SRPK2: variants seen among roughly 807,000 people sequenced by gnomAD.
SRPK2 encodes the protein SFRS protein kinase 2.
Under a neutral mutation model 90.8 loss-of-function variants are expected in SRPK2, and 21 were observed. The ratio of observed to expected loss-of-function variants is 0.23; its 90% CI spans 0.16 to 0.33. SRPK2 has a LOEUF of 0.33. SRPK2 is among the 10% of genes least tolerant of loss of function. The pLI, the probability that SRPK2 is intolerant of heterozygous loss-of-function variation, is 1.00. For missense variants in SRPK2, 620 were observed against 869.0 expected, an observed-to-expected ratio of 0.71 and a Z score of 3.60; for synonymous variants, 288 against 311.1, an observed-to-expected ratio of 0.93 and a Z score of 0.78.
chr7:105,358,995 T>C (rs1184234874), intron 2 of SRPK2, among the ~76,000 whole-genome samples: 1 of 151,672 alleles, frequency 6.6e-6, no homozygotes. Flanking sequence ...ACCAGTTCTC[T>C]GGAAACTAAG....
chr7:105,295,510 G>A (rs1485072644), intron 2 of SRPK2, among the ~76,000 whole-genome samples: 1 of 152,090 alleles, frequency 6.6e-6, no homozygotes, highest in Admixed American at 6.6e-5. Flanking sequence ...GATAAACCTT[G>A]AAAACATTAT....
chr7:105,264,554 GAATTCAGTATTGGCTAGCTAACTGAA>G (rs763567360), intron 2 of SRPK2, among the ~76,000 whole-genome samples: 100 of 152,148 alleles, frequency 6.6e-4, no homozygotes, highest in Non-Finnish European at 1.2e-3. Context: ...TACAGTTTGT[GAATTCAGTATTGGCTAGCTAACTGAA>G]ATGTTAAGGA....
chr7:105,161,387 C>T (rs968577062), intron 6 of SRPK2, among the ~76,000 whole-genome samples: 2 of 152,074 alleles, frequency 1.3e-5, no homozygotes, highest in African/African-American at 4.8e-5. Flanking sequence ...GAATGGGGAA[C>T]CAGCAGATAA....
intron 3 of SRPK2, among the ~76,000 whole-genome samples, chr7:105,169,840 G>A (rs1790576758): frequency 6.6e-6 from 1 of 152,152 alleles, no homozygotes; most frequent in Non-Finnish European, 1.5e-5. Flanking sequence ...TTTTAAGACA[G>A]GGTCTCACTC....
chr7:105,294,689 C>G (rs897785759), intron 2 of SRPK2, among the ~76,000 whole-genome samples: 8 of 152,032 alleles, frequency 5.3e-5, no homozygotes, highest in African/African-American at 1.9e-4. Context: ...CCATGCCTGG[C>G]TAATTTTTCT....
At chr7:105,142,897 A>G (rs1289610124) in intron 10 of SRPK2, among the ~76,000 whole-genome samples, 187 bp downstream of exon 10, 3 of 152,246 alleles carry the variant, frequency 2.0e-5, no homozygotes, top group Admixed American at 6.5e-5. Context: ...AAATGTTAAC[A>G]TATTTCTGGC....
At position 105,142,340 on chromosome 7, in the gene SRPK2, G is replaced by A. The variant is rs747744101; in HGVS notation, c.1211C>T (p.Ser404Leu). 2 of 1,614,170 alleles carry A rather than the reference G, an allele frequency of 1.2e-6. No individual in the cohort carries two copies. The highest frequency in any genetic ancestry group is 1.7e-6 in the Non-Finnish European group (2 of 1,180,026). ...TTCATCGTCCAGTTGCTGCTCCAGT[G>A]AGAATGGGCCATTCTCAATATGGCC... ...TNGHIENGPF[S>L]LEQQLDDEDD... Residue 404 changes from serine (S) to leucine (L), a missense_variant, in exon 11 of 16, where the codon TCA becomes TTA. Ser to Leu is a moderately radical substitution (Grantham distance 145). This residue lies in a region of SRPK2 where 243 missense variants were observed against 245.7 expected (regional missense o/e 0.99). Transcript: ENST00000393651.
chr7:105,169,346 G>C, intron 3 of SRPK2, 81 bp from the exon 4 acceptor site: 1 of 1,075,398 alleles, frequency 9.3e-7, no homozygotes, highest in South Asian at 1.4e-5. Flanking sequence ...TGTCATTCTT[G>C]ATGTCATTAA....
intron 2 of SRPK2, among the ~76,000 whole-genome samples, chr7:105,358,095 G>C (rs1271300653): frequency 2.0e-5 from 3 of 151,890 alleles, no homozygotes; most frequent in Non-Finnish European, 4.4e-5. Flanking sequence ...GTGCTGGCAT[G>C]TTCCTGGAGT....
At chr7:105,260,601 C>G (rs1804087996) in intron 2 of SRPK2, among the ~76,000 whole-genome samples, 1 of 152,146 alleles carries the variant, frequency 6.6e-6, no homozygotes, top group African/African-American at 2.4e-5. Flanking sequence ...TATTGTGGCA[C>G]TATTCACAAT....
At chr7:105,330,209 G>A (rs1313850330) in intron 2 of SRPK2, among the ~76,000 whole-genome samples, 1 of 151,696 alleles carries the variant, frequency 6.6e-6, no homozygotes, top group Non-Finnish European at 1.5e-5. Context: ...GCGTGGTGGC[G>A]GGTGCCCGTA....
chr7:105,388,586 G>C (rs1333387098), intron 2 of SRPK2, 62 bp downstream of exon 2: 7 of 1,485,112 alleles, frequency 4.7e-6, no homozygotes, highest in Non-Finnish European at 6.4e-6. Context: ...TCCCCTGCGC[G>C]GCCGCGGGCG....
intron 2 of SRPK2, among the ~76,000 whole-genome samples, chr7:105,276,535 C>T (rs1039953523): frequency 3.3e-5 from 5 of 149,976 alleles, no homozygotes; most frequent in African/African-American, 1.2e-4. Flanking sequence ...CCCAAGAGTT[C>T]AAGACCAGCC....
intron 1 of SRPK2, among the ~76,000 whole-genome samples, chr7:105,395,501 G>A (rs1270226463): frequency 4.6e-5 from 7 of 151,758 alleles, no homozygotes; most frequent in South Asian, 2.1e-4. Flanking sequence ...AGGCCAAGGC[G>A]GGCGAATCAC....
Position 105,261,022 on chromosome 7 carries a change from TAAA to T in SRPK2, c.72-57240_72-57238del, listed in dbSNP as rs72277307. 7.4e-3 allele frequency among the ~76,000 whole-genome samples: 862 copies of T among 116,036 alleles called. 11 individuals are homozygous for T. Among genetic ancestry groups the T allele is most frequent in the African/African-American group, 0.026 (796 of 31,066 alleles). The allele number at this position is 116,036 out of a possible 152,430, so 76.1% of individuals were successfully genotyped here. ...CATTGTGCATATGTACCCTAGAAAT[TAAA>T]AAAAAAAAAAAAAAAAACAGTATGG... On this transcript the variant is annotated intron_variant, in intron 2 of 15. Transcript: ENST00000393651.
chr7:105,184,142 AT>A (rs561123151), intron 3 of SRPK2, among the ~76,000 whole-genome samples: 1 of 150,864 alleles, frequency 6.6e-6, no homozygotes, highest in Non-Finnish European at 1.5e-5. Context: ...CACCTGGCTA[AT>A]TTTTTTTGTA....
exon 1 of SRPK2, chr7:105,399,294 C>A (rs1822405123): frequency 6.6e-6 from 1 of 152,134 alleles, no homozygotes. Context: ...GTTGCAGAGG[C>A]CTCATTTCCT....
At chr7:105,279,380 A>T (rs1806965326) in intron 2 of SRPK2, among the ~76,000 whole-genome samples, 1 of 152,170 alleles carries the variant, frequency 6.6e-6, no homozygotes, top group Admixed American at 6.5e-5. Flanking sequence ...TTCCAAGCAA[A>T]ATTTATAACC....
chr7:105,183,372 G>A (rs1036546031), intron 3 of SRPK2, among the ~76,000 whole-genome samples: 18 of 152,160 alleles, frequency 1.2e-4, no homozygotes, highest in African/African-American at 4.3e-4. Flanking sequence ...AATACCAAGA[G>A]TACTTTAGAA....
Sources: allele counts gnomAD v4.1 joint callset (sites outside exome capture counted in the v4.1 genomes callset), GRCh38; gene constraint gnomAD v4.1.1; regional missense constraint gnomAD v4.1.1; transcripts MANE v1.5; gene names NCBI Gene and HGNC (gene_info 2026-07-23, HGNC 2026-07-21).